The following CALN1 variants were observed in gnomAD, a reference collection of about 807,000 sequenced individuals.
The protein encoded by CALN1 is calneuron 1.
A neutral mutation model predicts 30.6 loss-of-function variants in CALN1; 17 were observed. That is an observed-to-expected ratio of 0.56 (90% CI 0.38 to 0.83). The LOEUF is 0.83. CALN1 is among the 40% of genes least tolerant of loss of function. CALN1 has a pLI of 0.00. For synonymous variants in CALN1, 156 were observed against 131.4 expected (o/e 1.19, Z -1.28); for missense variants, 291 against 354.9 (o/e 0.82, Z 1.45).
intron 2 of CALN1, among the ~76,000 whole-genome samples, chr7:72,395,019 ATG>A (rs1466988695): frequency 2.6e-5 from 4 of 152,290 alleles, no homozygotes; most frequent in Admixed American, 6.5e-5. Context: ...ACATCTGCGT[ATG>A]TGTGTCACCT....
chr7:72,444,122 C>T (rs948116266), intron 1 of CALN1, among the ~76,000 whole-genome samples: 1 of 151,898 alleles, frequency 6.6e-6, no homozygotes, highest in Non-Finnish European at 1.5e-5. Context: ...TTGATAGACT[C>T]GTACTACGCA....
chr7:72,418,948 T>G (rs1807517918), intron 1 of CALN1, among the ~76,000 whole-genome samples: 3 of 152,224 alleles, frequency 2.0e-5, no homozygotes, highest in South Asian at 4.2e-4. Context: ...CCCAGGAGGT[T>G]GAGGCTACAG....
At position 72,164,353 on chromosome 7, in the gene CALN1, A is replaced by C. The variant is rs75645201; in HGVS notation, c.245-58059T>G. Among the ~76,000 whole-genome samples, 3 of 127,620 alleles carry C rather than the reference A, an allele frequency of 2.4e-5. No homozygotes were observed. The East Asian group carries it at 7.3e-4, about 31-fold the overall frequency. The allele number at this position is 127,620 out of a possible 152,430, so 83.7% of individuals were successfully genotyped here. A position where few individuals can be genotyped will look rare whatever the true frequency, so the allele number is the denominator to read the frequency against. On this transcript the variant is annotated intron_variant, in intron 3 of 6. Transcript: ENST00000395275. ...GTGACAAGAGCAACACTCCGTCAAA[A>C]AAAAAAAAAAAAAAAGAAGAAGAAG...
At chr7:72,348,338 G>A (rs1297844999) in intron 2 of CALN1, among the ~76,000 whole-genome samples, 5 of 152,006 alleles carry the variant, frequency 3.3e-5, no homozygotes, top group Non-Finnish European at 5.9e-5. Flanking sequence ...CCTGGAGATC[G>A]TTTCTGTATC....
At chr7:72,426,864 C>T (rs947157972) in intron 1 of CALN1, among the ~76,000 whole-genome samples, 2 of 152,184 alleles carry the variant, frequency 1.3e-5, no homozygotes, top group African/African-American at 2.4e-5. Context: ...CAACGTGTGG[C>T]GATGCTCATT....
chr7:72,410,556 G>A (rs1188096028), intron 1 of CALN1, among the ~76,000 whole-genome samples: 1 of 152,130 alleles, frequency 6.6e-6, no homozygotes, highest in African/African-American at 2.4e-5. Flanking sequence ...AAACTGAAAT[G>A]AGCTTTTCAA....
chr7:71,967,700 T>G (rs899854095), intron 5 of CALN1, among the ~76,000 whole-genome samples: 3 of 150,008 alleles, frequency 2.0e-5, no homozygotes, highest in Non-Finnish European at 4.5e-5. Flanking sequence ...TATAAAGAAC[T>G]TTCAAACTCA....
At chr7:72,298,015 T>C (rs944079821) in intron 2 of CALN1, among the ~76,000 whole-genome samples, 7 of 152,244 alleles carry the variant, frequency 4.6e-5, no homozygotes, top group African/African-American at 1.7e-4. Context: ...CACCATCTTA[T>C]TATTTTTTTT....
intron 6 of CALN1, among the ~76,000 whole-genome samples, chr7:71,799,421 T>TTTTA (rs57965086): frequency 0.014 from 1,996 of 144,662 alleles, 41 homozygotes; most frequent in East Asian, 0.095. Context: ...CTCTGGGTCT[T>TTTTA]TTTATTTATT....
At chr7:72,135,771 T>G (rs921285492) in intron 3 of CALN1, among the ~76,000 whole-genome samples, 5 of 152,104 alleles carry the variant, frequency 3.3e-5, no homozygotes, top group African/African-American at 7.2e-5. Context: ...TCCTTTGAAG[T>G]TTTGAAGCCA....
intron 5 of CALN1, among the ~76,000 whole-genome samples, chr7:71,906,247 T>C (rs1030337791): frequency 1.3e-5 from 2 of 152,136 alleles, no homozygotes; most frequent in Non-Finnish European, 2.9e-5. Context: ...ATGTGAGACA[T>C]TGTGGAATCT....
At chr7:72,145,468 G>T (rs902333422) in intron 3 of CALN1, among the ~76,000 whole-genome samples, 1 of 152,118 alleles carries the variant, frequency 6.6e-6, no homozygotes, top group Non-Finnish European at 1.5e-5. Context: ...CTGAAGTTGA[G>T]GCAATAATTA....
At chr7:71,907,944 G>A (rs1196626482) in intron 5 of CALN1, among the ~76,000 whole-genome samples, 2 of 152,246 alleles carry the variant, frequency 1.3e-5, no homozygotes, top group African/African-American at 4.8e-5. Flanking sequence ...GTATGCATAT[G>A]CGTGTGTGCG....
intron 2 of CALN1, among the ~76,000 whole-genome samples, chr7:72,282,398 C>G (rs562177079): frequency 3.9e-5 from 6 of 152,222 alleles, no homozygotes; most frequent in African/African-American, 1.4e-4. Flanking sequence ...TGAATGTGTC[C>G]CCCAGTAATT....
At chr7:72,045,543 T>C (rs1357859071) in intron 4 of CALN1, among the ~76,000 whole-genome samples, 1 of 152,148 alleles carries the variant, frequency 6.6e-6, no homozygotes, top group African/African-American at 2.4e-5. Context: ...CTTTTCTTTT[T>C]TTGGAGACAG....
At chr7:71,844,117 A>G (rs1246901168) in intron 5 of CALN1, among the ~76,000 whole-genome samples, 15 of 152,192 alleles carry the variant, frequency 9.9e-5, no homozygotes, top group Admixed American at 2.6e-4. Context: ...TCCTTTCTCC[A>G]TAGAGCAGGC....
rs1410173184 is a variant in CALN1 at position 71,784,411 on chromosome 7, G to C, written c.*3364C>G. 2 of 163,198 alleles carry C rather than the reference G, an allele frequency of 1.2e-5. No homozygotes were observed. The highest frequency in any genetic ancestry group is 1.3e-4 in the Admixed American group (2 of 15,542). The allele number at this position is 163,198 out of a possible 1,614,324, so 10.1% of individuals were successfully genotyped here. A position where few individuals can be genotyped will look rare whatever the true frequency, so the allele number is the denominator to read the frequency against. ...GGCAAACTCAGGGTGGAATGCAAGG[G>C]TTGCCATGGTAATATCCCTCTTTTT... On this transcript the variant is annotated 3_prime_UTR_variant, in exon 7 of 7. Transcript: ENST00000395275.
At chr7:72,277,657 G>T (rs1797422999) in intron 3 of CALN1, among the ~76,000 whole-genome samples, 1 of 152,104 alleles carries the variant, frequency 6.6e-6, no homozygotes, top group African/African-American at 2.4e-5. Context: ...CTATTCAATG[G>T]CCTCTCCTCT....
chr7:72,404,485 T>C (rs1277069933), intron 1 of CALN1, among the ~76,000 whole-genome samples: 1 of 152,210 alleles, frequency 6.6e-6, no homozygotes, highest in Non-Finnish European at 1.5e-5. Context: ...AAGACGTTGG[T>C]GATGAAACCA....
Sources: allele counts gnomAD v4.1 joint callset (sites outside exome capture counted in the v4.1 genomes callset), GRCh38; gene constraint gnomAD v4.1.1; transcripts MANE v1.5; gene names NCBI Gene and HGNC (gene_info 2026-07-23, HGNC 2026-07-21).